The following FRMD4A variants were observed in gnomAD, a reference collection of about 807,000 sequenced individuals.
The protein encoded by FRMD4A is FERM domain containing 4A.
A neutral mutation model predicts 129.1 loss-of-function variants in FRMD4A; 29 were observed. The observed-to-expected ratio is 0.22, with a 90% CI of 0.17 to 0.31. The LOEUF (loss-of-function observed/expected upper bound fraction) is 0.31. Among genes scored for constraint, FRMD4A ranks in the 10% least tolerant of loss-of-function variants. The pLI is 1.00. For synonymous variants in FRMD4A, 634 were observed against 571.6 expected (o/e 1.11, Z -1.56); for missense variants, 1,272 against 1,375.8 (o/e 0.92, Z 1.19).
rs191078648 is a variant in FRMD4A, at chr10:14,244,535, A to T, written c.45+85523T>A. Among the ~76,000 whole-genome samples the T allele has an allele frequency of 9.8e-3, 1,490 of 152,324 alleles. 21 individuals carry two copies. Among genetic ancestry groups the T allele is most frequent in the African/African-American group, 0.033 (1,380 of 41,562 alleles). The stretch of plus-strand genomic sequence containing the variant: ...AATATGACATTTATATTATAATTTG[A>T]TGTGATATTTAAAGGTAGTTATAAA... On this transcript the variant is annotated intron_variant, in intron 2 of 24. Coordinates refer to ENST00000357447, the MANE Select transcript of FRMD4A (RefSeq NM_018027.5).
intron 2 of FRMD4A, among the ~76,000 whole-genome samples, chr10:14,018,201 C>A (rs1017851268): frequency 4.6e-5 from 7 of 151,432 alleles, no homozygotes; most frequent in Non-Finnish European, 7.4e-5. Flanking sequence ...AATCCCAGCA[C>A]TTTGGAAGGC....
At chr10:13,664,827 A>G (rs1292431550) in intron 18 of FRMD4A, among the ~76,000 whole-genome samples, 1 of 152,072 alleles carries the variant, frequency 6.6e-6, no homozygotes, top group Admixed American at 6.6e-5. Flanking sequence ...CTTCTGCCTC[A>G]GCCTCCTGAG....
chr10:13,650,666 G>T (rs569005385), intron 24 of FRMD4A, among the ~76,000 whole-genome samples: 2 of 152,258 alleles, frequency 1.3e-5, no homozygotes, highest in African/African-American at 4.8e-5. Context: ...CAAAGCCTAA[G>T]TCCCTGTCCT....
Position 14,140,527 on chromosome 10 carries a change from C to A in FRMD4A, c.45+189531G>T, listed in dbSNP as rs555079899. Among the ~76,000 whole-genome samples, 16 of 152,276 alleles carry A rather than the reference C, an allele frequency of 1.1e-4. No individual in the cohort carries two copies. In the South Asian group the frequency reaches 3.1e-3, roughly 30 times the overall value. ...TGAAGATGTGAGATGTTAAATGGTA[C>A]ACGACCTTTCCACTTAACCTCTGAG... On this transcript the variant is annotated intron_variant, in intron 2 of 24. Transcript: ENST00000357447.
chr10:14,108,169 G>A (rs532252644), intron 2 of FRMD4A, among the ~76,000 whole-genome samples: 5 of 152,116 alleles, frequency 3.3e-5, no homozygotes, highest in South Asian at 4.2e-4. Flanking sequence ...TTTTCATGTC[G>A]CTTTAATTGG....
intron 2 of FRMD4A, among the ~76,000 whole-genome samples, chr10:13,912,560 G>A (rs1257901204): frequency 5.3e-5 from 7 of 132,294 alleles, no homozygotes; most frequent in African/African-American, 2.1e-4. Context: ...ATGGAGTCTC[G>A]CTCTGTCGCC....
At chr10:13,975,450 G>A (rs541714777) in intron 2 of FRMD4A, among the ~76,000 whole-genome samples, 81 of 151,596 alleles carry the variant, frequency 5.3e-4, no homozygotes, top group African/African-American at 1.7e-3. Flanking sequence ...ATGTCTATTC[G>A]TGTGTCTGTT....
At chr10:13,675,130 C>T (rs1179466325) in intron 15 of FRMD4A, 86 bp from the exon 16 acceptor site, 16 of 1,254,982 alleles carry the variant, frequency 1.3e-5, no homozygotes, top group East Asian at 1.2e-4. Flanking sequence ...GCCCATGCTG[C>T]GGAGATGGGA....
At chr10:13,711,293 G>A (rs1272482604) in intron 12 of FRMD4A, among the ~76,000 whole-genome samples, 1 of 152,220 alleles carries the variant, frequency 6.6e-6, no homozygotes, top group Non-Finnish European at 1.5e-5. Context: ...ACCTCACTCT[G>A]AGGCTGGCAG....
intron 6 of FRMD4A, among the ~76,000 whole-genome samples, chr10:13,768,295 A>G (rs980203290): frequency 2.0e-5 from 3 of 152,018 alleles, no homozygotes; most frequent in Non-Finnish European, 4.4e-5. Context: ...GCCCGTGGGA[A>G]CCCCAAATGG....
At chr10:14,065,528 C>T (rs1037158040) in intron 2 of FRMD4A, among the ~76,000 whole-genome samples, 1 of 152,056 alleles carries the variant, frequency 6.6e-6, no homozygotes, top group African/African-American at 2.4e-5. Flanking sequence ...GAGGTAGCAT[C>T]CAGGTGGTGG....
intron 2 of FRMD4A, among the ~76,000 whole-genome samples, chr10:13,954,784 T>C (rs191712033): frequency 1.2e-4 from 18 of 152,332 alleles, no homozygotes; most frequent in Admixed American, 1.2e-3. Context: ...TCCACTGGCT[T>C]GGGTTCAAAA....
At chr10:13,674,497 C>A (rs144853651) in intron 16 of FRMD4A, among the ~76,000 whole-genome samples, 2 of 152,272 alleles carry the variant, frequency 1.3e-5, no homozygotes, top group East Asian at 3.9e-4. Flanking sequence ...GGTTTAGGGA[C>A]TTTTTCTTTT....
intron 2 of FRMD4A, among the ~76,000 whole-genome samples, chr10:14,283,124 G>A (rs372877090): frequency 6.6e-6 from 1 of 152,308 alleles, no homozygotes; most frequent in African/African-American, 2.4e-5. Flanking sequence ...CAAATTTGAA[G>A]GGATTATCAA....
At chr10:13,785,412 T>C (rs1360627585) in intron 5 of FRMD4A, among the ~76,000 whole-genome samples, 1 of 152,138 alleles carries the variant, frequency 6.6e-6, no homozygotes, top group Non-Finnish European at 1.5e-5. Context: ...ACCTGCCCCC[T>C]GCTTCTGGAG....
intron 2 of FRMD4A, among the ~76,000 whole-genome samples, chr10:14,301,763 A>G (rs1247887931): frequency 6.6e-6 from 1 of 152,252 alleles, no homozygotes; most frequent in Non-Finnish European, 1.5e-5. Flanking sequence ...AAATTCACAA[A>G]GGACCAGAAA....
At chr10:13,820,543 CAA>C (rs112274045) in intron 3 of FRMD4A, among the ~76,000 whole-genome samples, 19,577 of 136,010 alleles carry the variant, frequency 0.14, 1,536 homozygotes, top group East Asian at 0.34. Context: ...AATTGTATCT[CAA>C]AAAAAAAAAA....
chr10:13,980,520 A>G (rs1339736594), intron 2 of FRMD4A, among the ~76,000 whole-genome samples: 2 of 152,184 alleles, frequency 1.3e-5, no homozygotes, highest in African/African-American at 4.8e-5. Flanking sequence ...ACTTGAGGCC[A>G]GGAGTTCGAG....
At chr10:13,716,775 C>T (rs1176759514) in intron 12 of FRMD4A, among the ~76,000 whole-genome samples, 2 of 152,218 alleles carry the variant, frequency 1.3e-5, no homozygotes, top group African/African-American at 4.8e-5. Flanking sequence ...CATTGAGACG[C>T]AGGCCATTTT....
Sources: gnomAD v4.1 joint callset for allele counts (sites outside exome capture counted in the v4.1 genomes callset) on GRCh38, gnomAD v4.1.1 for gene constraint, MANE v1.5 for transcripts, NCBI Gene and HGNC (gene_info 2026-07-23, HGNC 2026-07-21) for gene names.